The following LARP7 variants were observed in gnomAD, a reference collection of about 807,000 sequenced individuals.
LARP7 encodes the protein la-related protein 7.
LARP7 carries 52 observed loss-of-function variants against 69.3 expected under a neutral mutation model. That is an observed-to-expected ratio of 0.75 (90% confidence interval 0.60 to 0.95). LARP7 has a LOEUF of 0.95. LARP7 is among the 40% of genes least tolerant of loss of function. LARP7 has a pLI of 0.00. For missense variants in LARP7, 733 were observed against 673.0 expected, an observed-to-expected ratio of 1.09 and a Z score of -0.99; for synonymous variants, 254 against 215.9, an observed-to-expected ratio of 1.18 and a Z score of -1.55.
intron 1 of LARP7, among the ~76,000 whole-genome samples, chr4:112,640,463 A>C (rs928967059): frequency 6.6e-6 from 1 of 152,172 alleles, no homozygotes; most frequent in Non-Finnish European, 1.5e-5. Flanking sequence ...GCACTTTGAG[A>C]GGCCCAAATG....
In LARP7 at chr4:112,647,523, C is replaced by T. The variant is rs769173145; in HGVS notation, c.971C>T (p.Ala324Val). Residue 324 changes from alanine to valine, a missense_variant, in exon 7 of 13, where the codon GCA becomes GTA. By Grantham distance (64) the Ala-to-Val change is moderately conservative. Transcript: ENST00000344442. ...KIIQKDIIKE[A>V]SEASKENRDI... is the part of the protein sequence containing the mutation. The stretch of plus-strand genomic sequence containing the variant: ...ATTCAGAAAGACATCATTAAGGAAG[C>T]ATCAGAAGCTTCCAAGGAAAATAGA... 4 of 1,607,176 alleles carry T rather than the reference C, an allele frequency of 2.5e-6. No individual in the cohort carries two copies. The East Asian group carries it at 6.7e-5, about 27-fold the overall frequency.
At position 112,646,879 on chromosome 4, in the gene LARP7, A is replaced by G. The variant is rs1265308846; in HGVS notation, c.476A>G (p.Tyr159Cys). The change falls in exon 5 of 13, where the codon TAT becomes TGT. Residue 159 changes from tyrosine to cysteine, a missense_variant. Physicochemically the swap from Tyr to Cys is radical, Grantham distance 194. Transcript: ENST00000344442. Reference protein sequence around the residue: ...GNVVYISIPHYKSTGDPKGFA... With the variant: ...GNVVYISIPHCKSTGDPKGFA... ...GTTGTTTATATAAGTATACCACATTATAAGTCTACTGGAGATCCAAAGGGA... is the reference window on the plus strand; with the variant it reads ...GTTGTTTATATAAGTATACCACATTGTAAGTCTACTGGAGATCCAAAGGGA... 10 of 1,609,834 alleles carry G rather than the reference A, an allele frequency of 6.2e-6. No individual in the cohort carries two copies. Among genetic ancestry groups the G allele is most frequent in the Non-Finnish European group, 7.6e-6 (9 of 1,178,924 alleles).
In LARP7 at chr4:112,649,428, A is replaced by G. The variant is rs2048595522; in HGVS notation, c.1143-107A>G. ...GAATATGTGTTTAAAGAAACAGGAA[A>G]GTTGGTGGAGGAGTTGCTCCAAGTC... On this transcript the variant is annotated intron_variant, in intron 8 of 12. Transcript: ENST00000344442. 1.4e-5 allele frequency: 12 copies of G among 872,630 alleles called. No individual in the cohort carries two copies. In the South Asian group the frequency reaches 2.0e-4, roughly 14 times the overall value. The allele number at this position is 872,630 out of a possible 1,614,324, so 54.1% of individuals were successfully genotyped here.
intron 1 of LARP7, among the ~76,000 whole-genome samples, chr4:112,642,682 C>G (rs2048008067): frequency 6.6e-6 from 1 of 152,206 alleles, no homozygotes; most frequent in African/African-American, 2.4e-5. Flanking sequence ...AGCCATTTAC[C>G]CATATCTAGC....
At chr4:112,639,322 G>T (rs1170303467) in intron 1 of LARP7, among the ~76,000 whole-genome samples, 2 of 149,112 alleles carry the variant, frequency 1.3e-5, no homozygotes, top group African/African-American at 5.0e-5. Context: ...CCTTTCTCCT[G>T]CCTCAGCCTC....
chr4:112,650,951 A>T (rs2048702531), intron 10 of LARP7, among the ~76,000 whole-genome samples: 1 of 152,168 alleles, frequency 6.6e-6, no homozygotes, highest in South Asian at 2.1e-4. Flanking sequence ...TTTTTCACGC[A>T]TGTGCCAAAA....
Position 112,647,132 on chromosome 4 carries a change from G to A in LARP7, c.646+5G>A, listed in dbSNP as rs1554011529. 1.2e-6 allele frequency: 2 copies of A among 1,601,712 alleles called. No homozygotes were observed. Among genetic ancestry groups the A allele is most frequent in the Non-Finnish European group, 1.7e-6 (2 of 1,177,208 alleles). ...TTCCAGCCTTAAGAGTTGTGGGTGA[G>A]TATTTTTCAATATTTAAATAGGTGT... On this transcript the variant is annotated splice_donor_5th_base_variant and intron_variant, in intron 6 of 12. Coordinates refer to ENST00000344442, the MANE Select transcript of LARP7 (RefSeq NM_016648.4).
At chr4:112,646,727 A>T in intron 4 of LARP7, 56 bp downstream of exon 4, 1 of 1,551,732 alleles carries the variant, frequency 6.4e-7, no homozygotes, top group Non-Finnish European at 8.7e-7. Flanking sequence ...CAATATAATT[A>T]AGTTAAAAAT....
At chr4:112,650,905 A>G (rs2048700315) in intron 10 of LARP7, among the ~76,000 whole-genome samples, 1 of 152,132 alleles carries the variant, frequency 6.6e-6, no homozygotes, top group Non-Finnish European at 1.5e-5. Flanking sequence ...AATTTTAATT[A>G]TAGAAAAGTA....
rs768907874 is a variant in LARP7, at chr4:112,650,594, G to A, written c.1416+12G>A. The A allele has an allele frequency of 1.9e-6, 3 of 1,609,510 alleles. No homozygotes were observed. The Admixed American group carries it at 5.1e-5, about 27-fold the overall frequency. On this transcript the variant is annotated intron_variant, in intron 10 of 12. Coordinates refer to ENST00000344442, the MANE Select transcript of LARP7 (RefSeq NM_016648.4). ...GGAAACAAGTCCGGGTAATGATTTTGAGCCCCTAGGGTATTTGTTCCTTTC... is the reference window on the plus strand; with the variant it reads ...GGAAACAAGTCCGGGTAATGATTTTAAGCCCCTAGGGTATTTGTTCCTTTC...
chr4:112,647,558 A>G lies in LARP7; in HGVS notation c.997+9A>G, dbSNP rs1318006499. The G allele has an allele frequency of 2.5e-5, 40 of 1,570,342 alleles. No individual in the cohort carries two copies. The highest frequency in any genetic ancestry group is 3.5e-5 in the Non-Finnish European group (40 of 1,158,666). ...TTCCAAGGAAAATAGAGGTAAAACT[A>G]CAAGGTTTTAATTAGATAAAACTAA... is the stretch of plus-strand genomic sequence containing the variant. On this transcript the variant is annotated intron_variant, in intron 7 of 12. Coordinates refer to ENST00000344442, the MANE Select transcript of LARP7 (RefSeq NM_016648.4).
intron 11 of LARP7, 22 bp downstream of exon 11, chr4:112,653,258 CT>C (rs368304759): frequency 6.9e-3 from 8,979 of 1,301,206 alleles, no homozygotes; most frequent in South Asian, 0.012. Flanking sequence ...TAGACGTTTC[CT>C]TTTTTTTTTG....
At chr4:112,644,496 AT>A (rs1356767209) in intron 1 of LARP7, 171 bp from the exon 2 acceptor site, 97 of 1,133,462 alleles carry the variant, frequency 8.6e-5, no homozygotes, top group Non-Finnish European at 1.1e-4. Context: ...AAGGTAAATT[AT>A]TTTTAAATTT....
chr4:112,650,750 A>G (rs1326082349), intron 10 of LARP7, among the ~76,000 whole-genome samples, 168 bp downstream of exon 10: 2 of 152,162 alleles, frequency 1.3e-5, no homozygotes, highest in South Asian at 2.1e-4. Flanking sequence ...TTTAATTTTG[A>G]AGCAAAATCT....
At chr4:112,656,405 C>T (rs530773827) in intron 12 of LARP7, among the ~76,000 whole-genome samples, 2 of 151,954 alleles carry the variant, frequency 1.3e-5, no homozygotes, top group Non-Finnish European at 2.9e-5. Flanking sequence ...CTCAAAAAAA[C>T]GAAACTAAAA....
At chr4:112,653,509 A>G (rs1449274354) in intron 11 of LARP7, among the ~76,000 whole-genome samples, 2 of 151,290 alleles carry the variant, frequency 1.3e-5, no homozygotes, top group African/African-American at 2.4e-5. Flanking sequence ...TTTGAGACAG[A>G]GTTTCGCTCT....
intron 9 of LARP7, chr4:112,650,006 C>A (rs545410946): frequency 3.0e-4 from 60 of 197,590 alleles, no homozygotes; most frequent in African/African-American, 1.3e-3. Flanking sequence ...TAATTTCATT[C>A]TGTAGTATGC....
rs1213096849 is a variant in LARP7 at position 112,647,538 on chromosome 4, A to G, written c.986A>G (p.Lys329Arg). The change falls in exon 7 of 13, where the codon AAG becomes AGG. Residue 329 changes from lysine (K) to arginine (R), a missense_variant. Transcript: ENST00000344442. ...DIIKEASEAS[K>R]ENRDIEISTE... is the part of the protein sequence containing the mutation. The stretch of plus-strand genomic sequence containing the variant: ...ATTAAGGAAGCATCAGAAGCTTCCA[A>G]GGAAAATAGAGGTAAAACTACAAGG... The G allele has an allele frequency of 1.3e-6, 2 of 1,596,370 alleles. No individual in the cohort carries two copies. Among genetic ancestry groups the G allele is most frequent in the Non-Finnish European group, 1.7e-6 (2 of 1,173,364 alleles).
intron 1 of LARP7, among the ~76,000 whole-genome samples, chr4:112,644,099 G>A (rs1002681142): frequency 8.6e-5 from 13 of 151,528 alleles, no homozygotes; most frequent in Admixed American, 3.9e-4. Context: ...AAAATTAGCC[G>A]GGCATGATGG....
Sources: gnomAD v4.1 joint callset for allele counts (sites outside exome capture counted in the v4.1 genomes callset) on GRCh38, gnomAD v4.1.1 for gene constraint, MANE v1.5 for transcripts, NCBI Gene and HGNC (gene_info 2026-07-23, HGNC 2026-07-21) for gene names.